GORASP1: variants seen among roughly 807,000 people sequenced by gnomAD.
GORASP1 encodes the protein golgi reassembly stacking protein 1, also known as Golgi reassembly-stacking protein 1.
Under a neutral mutation model 37.7 loss-of-function variants are expected in GORASP1, and 31 were observed. The ratio of observed to expected loss-of-function variants is 0.82; its 90% CI spans 0.62 to 1.11. GORASP1 has a LOEUF of 1.11. GORASP1 is among the 50% of genes least tolerant of loss of function. The probability of loss-of-function intolerance (pLI) is 0.00; values close to 1 mark genes in which losing one functional copy is unlikely to be tolerated. For missense variants in GORASP1, 476 were observed against 560.7 expected, an observed-to-expected ratio of 0.85 and a Z score of 1.53; for synonymous variants, 204 against 224.8, an observed-to-expected ratio of 0.91 and a Z score of 0.83.
At chr3:39,107,186 G>A in intron 1 of GORASP1, 1 of 534,684 alleles carries the variant, frequency 1.9e-6, no homozygotes, top group Non-Finnish European at 3.6e-6. Flanking sequence ...TCTTCACCCG[G>A]GAGGAGCGCC....
chr3:39,099,514 A>AG lies in GORASP1; in HGVS notation c.766-12dup, dbSNP rs563245148. The stretch of plus-strand genomic sequence containing the variant: ...TGCCTGCAGCAGGGCCTAGGAAAGA[A>AG]GAAGAAATGGGTAGGGGACAATCAG... On this transcript the variant is annotated splice_polypyrimidine_tract_variant and intron_variant, in intron 6 of 8. Transcript: ENST00000319283. 2.1e-4 allele frequency: 333 copies of AG among 1,607,086 alleles called. 1 individual carries two copies. The African/African-American group carries it at 3.6e-3, about 18-fold the overall frequency.
intron 1 of GORASP1, among the ~76,000 whole-genome samples, chr3:39,106,094 C>T (rs2036042431): frequency 6.6e-6 from 1 of 152,148 alleles, no homozygotes; most frequent in Non-Finnish European, 1.5e-5. Context: ...CTGGTAATTA[C>T]CACCTACCAT....
intron 1 of GORASP1, chr3:39,106,985 G>A (rs1314625389): frequency 2.3e-6 from 1 of 441,378 alleles, no homozygotes; most frequent in Non-Finnish European, 4.6e-6. Context: ...AAGCCCTTAC[G>A]ACCCTACGAC....
rs1389280732 is a variant in GORASP1 at position 39,100,868 on chromosome 3, A to C, written c.445T>G (p.Phe149Val). ...SDQILQESEDFFTLIESHEGK... is the reference protein window; with the variant it reads ...SDQILQESEDVFTLIESHEGK... ...TCATGAGACTCGATGAGCGTAAAGAAGTCCTCGGACTGTGAGAAACGCATA... is the reference window on the plus strand; with the variant it reads ...TCATGAGACTCGATGAGCGTAAAGACGTCCTCGGACTGTGAGAAACGCATA... The change falls in exon 5 of 9, where the codon TTC (phenylalanine) becomes GTC (valine). Residue 149 changes from phenylalanine (F) to valine (V), a missense_variant. Physicochemically the swap from Phe to Val is conservative, Grantham distance 50. Coordinates refer to ENST00000319283, the MANE Select transcript of GORASP1 (RefSeq NM_031899.4). The surrounding 1 kb of genome is among the most constrained non-coding windows in gnomAD (Gnocchi z 4.6). 1.2e-6 allele frequency: 2 copies of C among 1,614,060 alleles called. No individual in the cohort carries two copies. Among genetic ancestry groups the C allele is most frequent in the Non-Finnish European group, 1.7e-6 (2 of 1,180,008 alleles).
At position 39,101,015 on chromosome 3, in the gene GORASP1, C is replaced by G; in HGVS notation, c.435+1G>C. ...GGAGGGGCAAATTGCGGGTTCCTCA[C>G]CTCCTGGAGAATCTGGTCCGAACCA... On this transcript the variant is annotated splice_donor_variant, in intron 4 of 8. Transcript: ENST00000319283. LOFTEE classifies it high-confidence loss of function. 6.2e-7 allele frequency: 1 copy of G among 1,614,170 alleles called. No individual in the cohort carries two copies. Among genetic ancestry groups the G allele is most frequent in the Non-Finnish European group, 8.5e-7 (1 of 1,179,992 alleles).
intron 1 of GORASP1, among the ~76,000 whole-genome samples, chr3:39,104,847 C>T (rs149873085): frequency 6.6e-6 from 1 of 152,226 alleles, no homozygotes; most frequent in African/African-American, 2.4e-5. Context: ...TGCTCCCAGG[C>T]CCCGCTGCAG....
intron 3 of GORASP1, 124 bp from the exon 4 acceptor site, chr3:39,101,226 G>A: frequency 1.2e-6 from 1 of 818,050 alleles, no homozygotes; most frequent in Non-Finnish European, 2.0e-6. Context: ...CCTAAGCAGG[G>A]CTTCAAGCCC....
chr3:39,099,449 T>G lies in GORASP1; in HGVS notation c.820A>C (p.Ser274Arg). The G allele has an allele frequency of 6.2e-7, 1 of 1,611,632 alleles. No individual in the cohort carries two copies. Among genetic ancestry groups the G allele is most frequent in the South Asian group, 1.1e-5 (1 of 90,510 alleles). Residue 274 changes from serine (S) to arginine (R), a missense_variant, in exon 7 of 9, where the codon AGT (serine) becomes CGT (arginine). Transcript: ENST00000319283. ...SMEDPLPGPGSPSHSAPDPDG... is the reference protein window; with the variant it reads ...SMEDPLPGPGRPSHSAPDPDG... ...GGGTCTGGAGCACTGTGGCTGGGACTCCCAGGCCCAGGAAGGGGATCCTCC... is the reference window on the plus strand; with the variant it reads ...GGGTCTGGAGCACTGTGGCTGGGACGCCCAGGCCCAGGAAGGGGATCCTCC...
Position 39,103,693 on chromosome 3 carries a change from C to G in GORASP1, c.64-140G>C. ...TGGCATGAACTGTTCCGGACATTCT[C>G]AGGGTTCACTCCATGGCCTCTTGCT... On this transcript the variant is annotated intron_variant, in intron 1 of 8. Coordinates refer to ENST00000319283, the MANE Select transcript of GORASP1 (RefSeq NM_031899.4). This position sits in a 1 kb window ranked among gnomAD's most constrained non-coding sequence, Gnocchi z 5.2. 3.4e-6 allele frequency: 2 copies of G among 591,422 alleles called. No homozygotes were observed. Among genetic ancestry groups the G allele is most frequent in the South Asian group, 4.7e-5 (2 of 42,664 alleles). 36.6% of individuals were successfully genotyped at this position (591,422 alleles called of 1,614,324 possible). A position where few individuals can be genotyped will look rare whatever the true frequency, so the allele number is the denominator to read the frequency against.
intron 1 of GORASP1, chr3:39,106,927 C>G: frequency 5.9e-6 from 2 of 336,940 alleles, no homozygotes; most frequent in South Asian, 4.1e-5. Context: ...CCGGCCCTCC[C>G]GCTCCCCACT....
chr3:39,099,604 A>G (rs2035568437), intron 6 of GORASP1, 101 bp from the exon 7 acceptor site: 1 of 1,229,770 alleles, frequency 8.1e-7, no homozygotes, highest in Admixed American at 2.2e-5. Context: ...TTGTCCCAGG[A>G]ACACTGCTCT....
At position 39,100,421 on chromosome 3, in the gene GORASP1, G is replaced by C; in HGVS notation, c.649C>G (p.Pro217Ala). Residue 217 changes from proline to alanine, a missense_variant, in exon 6 of 9, where the codon CCA becomes GCA. Physicochemically the swap from Pro to Ala is conservative, Grantham distance 27. Coordinates refer to ENST00000319283, the MANE Select transcript of GORASP1 (RefSeq NM_031899.4). This position sits in a 1 kb window ranked among gnomAD's most constrained non-coding sequence, Gnocchi z 4.6. ...PSYHKKPPGT[P>A]PPSALPLGAP... ...CCAAGTGGTAGAGCAGAAGGTGGTG[G>C]GGTGCCAGGTGGCTTCTTGTGGTAG... is the stretch of plus-strand genomic sequence containing the variant. 2 of 1,613,174 alleles carry C rather than the reference G, an allele frequency of 1.2e-6. No homozygotes were observed. The highest frequency in any genetic ancestry group is 1.7e-6 in the Non-Finnish European group (2 of 1,179,404).
chr3:39,107,099 C>A (rs769687658), intron 1 of GORASP1: 53 of 474,022 alleles, frequency 1.1e-4, no homozygotes, highest in Admixed American at 1.9e-4. Context: ...CCAGGCCCAG[C>A]ACGGAGAGCG....
At position 39,102,743 on chromosome 3, in the gene GORASP1, G is replaced by A; in HGVS notation, c.283C>T (p.Leu95=). 6.2e-7 allele frequency: 1 copy of A among 1,614,224 alleles called. No individual in the cohort carries two copies. Among genetic ancestry groups the A allele is most frequent in the Non-Finnish European group, 8.5e-7 (1 of 1,180,036 alleles). The change falls in exon 3 of 9, where the codon CTA becomes TTA. Residue 95 remains leucine, a synonymous_variant. Coordinates refer to ENST00000319283, the MANE Select transcript of GORASP1 (RefSeq NM_031899.4). This position sits in a 1 kb window ranked among gnomAD's most constrained non-coding sequence, Gnocchi z 5.0. ...VPSNMWGGQG[L]LGASVRFCSF... ...CAGAAGCGCACACTGGCACCCAGTA[G>A]GCCCTGGCCGCCCCACATGTTGCTG...
Position 39,103,405 on chromosome 3 carries a change from C to T in GORASP1, c.144+68G>A. ...GGAGGGAAGGGTAGACTGGGGCCCC[C>T]TGTGGGACAGATGAAGACACACAAA... On this transcript the variant is annotated intron_variant, in intron 2 of 8. Transcript: ENST00000319283. This position sits in a 1 kb window ranked among gnomAD's most constrained non-coding sequence, Gnocchi z 5.2. 1 of 1,343,078 alleles carries T rather than the reference C, an allele frequency of 7.4e-7. No homozygotes were observed. The allele number at this position is 1,343,078 out of a possible 1,614,324, so 83.2% of individuals were successfully genotyped here.
chr3:39,099,545 T>C lies in GORASP1; in HGVS notation c.766-42A>G, dbSNP rs768528283. ...AATGGGTAGGGGACAATCAGGACAG[T>C]GCCTCAAGGTGAAGAATTTTGCAGT... On this transcript the variant is annotated intron_variant, in intron 6 of 8. Transcript: ENST00000319283. The C allele has an allele frequency of 3.8e-6, 6 of 1,583,256 alleles. No homozygotes were observed. In the African/African-American group the frequency reaches 8.1e-5, roughly 21 times the overall value.
chr3:39,107,150 G>C (rs984835016), intron 1 of GORASP1: 16 of 529,520 alleles, frequency 3.0e-5, no homozygotes, highest in South Asian at 4.7e-5. Context: ...AAGTGCACGA[G>C]TGCGTCCCGA....
Position 39,107,524 on chromosome 3 carries a change from G to A in GORASP1, c.18C>T (p.Ser6=). 2 of 1,503,152 alleles carry A rather than the reference G, an allele frequency of 1.3e-6. 1 individual carries two copies. The highest frequency in any genetic ancestry group is 2.5e-5 in the South Asian group (2 of 79,522). The allele number at this position is 1,503,152 out of a possible 1,614,324, so 93.1% of individuals were successfully genotyped here. MGLGV[S]AEQPAGGAEG... Reference sequence around the variant, plus strand: ...CGGCGCCGCCTGCGGGCTGCTCAGCGCTGACGCCCAGGCCCATGGCAGCGG... The same window carrying A: ...CGGCGCCGCCTGCGGGCTGCTCAGCACTGACGCCCAGGCCCATGGCAGCGG... The change falls in exon 1 of 9, where the codon AGC becomes AGT. Residue 6 remains serine, a synonymous_variant. Transcript: ENST00000319283.
In GORASP1 at chr3:39,105,860, A is replaced by G. The variant is rs1336490891; in HGVS notation, c.63+1619T>C. 1.3e-5 allele frequency among the ~76,000 whole-genome samples: 2 copies of G among 152,160 alleles called. No individual in the cohort carries two copies. The highest frequency in any genetic ancestry group is 2.9e-5 in the Non-Finnish European group (2 of 68,026). ...TCCAAGCACACCAGCCTCACCTGGC[A>G]TTTCCTCAAACACACAAGCACAACC... On this transcript the variant is annotated intron_variant, in intron 1 of 8. Coordinates refer to ENST00000319283, the MANE Select transcript of GORASP1 (RefSeq NM_031899.4). This position sits in a 1 kb window ranked among gnomAD's most constrained non-coding sequence, Gnocchi z 5.4.
Sources: allele counts gnomAD v4.1 joint callset (sites outside exome capture counted in the v4.1 genomes callset), GRCh38; gene constraint gnomAD v4.1.1; non-coding constraint Gnocchi (gnomAD v3.1); transcripts MANE v1.5; gene names NCBI Gene and HGNC (gene_info 2026-07-23, HGNC 2026-07-21).